The following TGFB2 variants were observed in gnomAD, a reference collection of about 807,000 sequenced individuals.
TGFB2 encodes transforming growth factor beta 2, also known as transforming growth factor beta-2 proprotein.
In TGFB2, 13 loss-of-function variants were observed where a neutral mutation model predicts 42.7. The ratio of observed to expected loss-of-function variants is 0.30; its 90% CI spans 0.20 to 0.48. The LOEUF (loss-of-function observed/expected upper bound fraction) is 0.48, where lower values mean the gene tolerates loss of function less well. TGFB2 is among the 20% of genes least tolerant of loss of function. The pLI, the probability that TGFB2 is intolerant of heterozygous loss-of-function variation, is 0.99. For missense variants in TGFB2, 390 were observed against 517.5 expected (o/e 0.75, Z 2.39); for synonymous variants, 193 against 193.6 (o/e 1.00, Z 0.03).
At chr1:218,401,194 TA>T (rs1658707176) in intron 1 of TGFB2, among the ~76,000 whole-genome samples, 2 of 152,166 alleles carry the variant, frequency 1.3e-5, no homozygotes, top group East Asian at 3.8e-4. Context: ...TTACATACAA[TA>T]CGTTGGTAAA....
At chr1:218,409,520 C>T (rs1319203987) in intron 2 of TGFB2, among the ~76,000 whole-genome samples, 1 of 152,096 alleles carries the variant, frequency 6.6e-6, no homozygotes, top group Non-Finnish European at 1.5e-5. Context: ...GTAATAAACT[C>T]CCATCTCTAG....
intron 2 of TGFB2, chr1:218,405,600 C>T: frequency 2.2e-6 from 1 of 461,842 alleles, no homozygotes; most frequent in Non-Finnish European, 4.0e-6. Flanking sequence ...AACTCCTGGC[C>T]TTAAGCAATC....
intron 1 of TGFB2, among the ~76,000 whole-genome samples, chr1:218,354,187 G>A (rs1164156272): frequency 6.6e-6 from 1 of 152,144 alleles, no homozygotes; most frequent in Non-Finnish European, 1.5e-5. Flanking sequence ...TTGACAAATG[G>A]ATGAGCATTC....
intron 6 of TGFB2, among the ~76,000 whole-genome samples, chr1:218,438,916 G>T (rs950239831): frequency 1.3e-5 from 2 of 152,018 alleles, no homozygotes; most frequent in African/African-American, 2.4e-5. Flanking sequence ...AGACCAGCCT[G>T]GTCAAGATGA....
intron 1 of TGFB2, among the ~76,000 whole-genome samples, chr1:218,368,167 G>A (rs1011822809): frequency 4.0e-5 from 6 of 150,878 alleles, no homozygotes; most frequent in Admixed American, 2.0e-4. Context: ...ATTTTGAGAC[G>A]GAGTTTCACT....
rs568744706 is a variant in TGFB2, at chr1:218,345,738, C to T, written c.-964C>T. ...TGTCGCAAGGGCTGCCGTTGTGATCCGCAGGGGGTGAACGCAACCGCGACG... is the reference window on the plus strand; with the variant it reads ...TGTCGCAAGGGCTGCCGTTGTGATCTGCAGGGGGTGAACGCAACCGCGACG... On this transcript the variant is annotated 5_prime_UTR_variant, in exon 1 of 7. Coordinates refer to ENST00000366930, the MANE Select transcript of TGFB2 (RefSeq NM_003238.6). The T allele has an allele frequency of 6.6e-6, 1 of 152,618 alleles. No homozygotes were observed. The highest frequency in any genetic ancestry group is 2.4e-5 in the African/African-American group (1 of 41,552). 9.5% of individuals were successfully genotyped at this position (152,618 alleles called of 1,614,324 possible).
intron 1 of TGFB2, among the ~76,000 whole-genome samples, chr1:218,354,304 C>T (rs1383213754): frequency 6.6e-6 from 1 of 152,144 alleles, no homozygotes; most frequent in Non-Finnish European, 1.5e-5. Flanking sequence ...CCTTCATTAT[C>T]AGGGAAAATG....
chr1:218,400,153 C>T (rs1312011726), intron 1 of TGFB2, among the ~76,000 whole-genome samples: 4 of 151,638 alleles, frequency 2.6e-5, no homozygotes, highest in Non-Finnish European at 5.9e-5. Flanking sequence ...TATGAGGCTT[C>T]GGCAGGGCTA....
chr1:218,355,682 T>C (rs983685794), intron 1 of TGFB2, among the ~76,000 whole-genome samples: 29 of 152,206 alleles, frequency 1.9e-4, no homozygotes, highest in African/African-American at 5.3e-4. Flanking sequence ...AAGGATGATG[T>C]GTGTGAAAAA....
Position 218,400,599 on chromosome 1 carries a change from C to T in TGFB2, c.347-4570C>T, listed in dbSNP as rs2102589711. Among the ~76,000 whole-genome samples the T allele has an allele frequency of 2.0e-5, 3 of 152,262 alleles. No homozygotes were observed. In the South Asian group the frequency reaches 6.2e-4, roughly 32 times the overall value. ...CTGGATTAAGAGGGTGCATGAAAAT[C>T]TCAGAAATCACCCATTAAAGAACTC... On this transcript the variant is annotated intron_variant, in intron 1 of 6. Coordinates refer to ENST00000366930, the MANE Select transcript of TGFB2 (RefSeq NM_003238.6).
chr1:218,354,528 T>G (rs1656971445), intron 1 of TGFB2, among the ~76,000 whole-genome samples: 1 of 152,200 alleles, frequency 6.6e-6, no homozygotes, highest in Admixed American at 6.5e-5. Flanking sequence ...TATGTACTCT[T>G]TAATACTCAC....
At position 218,346,985 on chromosome 1, in the gene TGFB2, A is replaced by G; in HGVS notation, c.284A>G (p.Asp95Gly). ...GCCGCCTGCGAGCGCGAGAGGAGCG[A>G]CGAAGAGTACTACGCCAAGGAGGTT... ...RAAACERERSDEEYYAKEVYK... is the reference protein window; with the variant it reads ...RAAACERERSGEEYYAKEVYK... Residue 95 changes from aspartate (D) to glycine (G), a missense_variant, in exon 1 of 7, where the codon GAC (aspartate) becomes GGC (glycine). Coordinates refer to ENST00000366930, the MANE Select transcript of TGFB2 (RefSeq NM_003238.6). This position sits in a 1 kb window ranked among gnomAD's most constrained non-coding sequence, Gnocchi z 4.9. The G allele has an allele frequency of 6.2e-7, 1 of 1,613,186 alleles. No homozygotes were observed. The highest frequency in any genetic ancestry group is 8.5e-7 in the Non-Finnish European group (1 of 1,179,552).
At position 218,419,224 on chromosome 1, in the gene TGFB2, C is replaced by T. The variant is rs554450511; in HGVS notation, c.510+13892C>T. On this transcript the variant is annotated intron_variant, in intron 2 of 6. Transcript: ENST00000366930. ...TAGGGCTCCCCCATTTGTCAATGACCTCTTTGCTCTTCCTCAGACACTGCA... is the reference window on the plus strand; with the variant it reads ...TAGGGCTCCCCCATTTGTCAATGACTTCTTTGCTCTTCCTCAGACACTGCA... Among the ~76,000 whole-genome samples, 135 of 152,262 alleles carry T rather than the reference C, an allele frequency of 8.9e-4. 1 individual carries two copies. Among genetic ancestry groups the T allele is most frequent in the Admixed American group, 1.1e-3 (17 of 15,292 alleles).
chr1:218,369,805 C>T (rs1407025301), intron 1 of TGFB2, among the ~76,000 whole-genome samples: 1 of 152,176 alleles, frequency 6.6e-6, no homozygotes, highest in Non-Finnish European at 1.5e-5. Context: ...TTGGATCTGT[C>T]CAGCTGTGCT....
chr1:218,360,224 A>G (rs1657165703), intron 1 of TGFB2, among the ~76,000 whole-genome samples: 1 of 152,222 alleles, frequency 6.6e-6, no homozygotes, highest in Admixed American at 6.5e-5. Flanking sequence ...GATAGTTCAG[A>G]AACATACTCT....
chr1:218,433,072 A>AT (rs10482802), intron 2 of TGFB2, among the ~76,000 whole-genome samples: 2,806 of 151,614 alleles, frequency 0.019, 91 homozygotes, highest in African/African-American at 0.063. Context: ...CTTTTTCTTT[A>AT]TTTTTTTTGT....
chr1:218,415,211 G>A (rs1659234382), intron 2 of TGFB2, among the ~76,000 whole-genome samples: 1 of 152,162 alleles, frequency 6.6e-6, no homozygotes, highest in African/African-American at 2.4e-5. Flanking sequence ...CAGTTTCCGA[G>A]CATTGAGTTT....
intron 1 of TGFB2, among the ~76,000 whole-genome samples, chr1:218,350,871 G>A (rs1389369824): frequency 6.6e-6 from 1 of 152,190 alleles, no homozygotes; most frequent in South Asian, 2.1e-4. Context: ...TAAGCAGTTT[G>A]TGTTAACAAA....
chr1:218,371,596 A>G (rs976270846), intron 1 of TGFB2, among the ~76,000 whole-genome samples: 1 of 152,190 alleles, frequency 6.6e-6, no homozygotes, highest in Non-Finnish European at 1.5e-5. Flanking sequence ...TATGGAGTTT[A>G]TGTATGTCCG....
Sources: allele counts gnomAD v4.1 joint callset (sites outside exome capture counted in the v4.1 genomes callset), GRCh38; gene constraint gnomAD v4.1.1; non-coding constraint Gnocchi (gnomAD v3.1); transcripts MANE v1.5; gene names NCBI Gene and HGNC (gene_info 2026-07-23, HGNC 2026-07-21).